Variants in KCND3 observed in about 807,000 individuals in gnomAD.
The protein encoded by KCND3 is potassium voltage-gated channel subfamily D member 3, also known as A-type voltage-gated potassium channel KCND3.
KCND3 carries 9 observed loss-of-function variants against 51.1 expected under a neutral mutation model. That is an observed-to-expected ratio of 0.18 (90% CI 0.11 to 0.31). KCND3 has a LOEUF of 0.31. KCND3 is among the 10% of genes least tolerant of loss of function. The probability of loss-of-function intolerance (pLI) is 1.00; values close to 1 mark genes in which losing one functional copy is unlikely to be tolerated. For missense variants in KCND3, 526 were observed against 903.8 expected (o/e 0.58, Z 5.36); for synonymous variants, 349 against 368.0 (o/e 0.95, Z 0.59).
chr1:111,850,532 C>G (rs1667766087), intron 2 of KCND3, among the ~76,000 whole-genome samples: 1 of 152,208 alleles, frequency 6.6e-6, no homozygotes, highest in Non-Finnish European at 1.5e-5. Context: ...ATCACAATCA[C>G]TCTGGGAGCC....
chr1:111,944,258 C>T (rs528590912), intron 2 of KCND3, among the ~76,000 whole-genome samples: 4 of 152,198 alleles, frequency 2.6e-5, no homozygotes, highest in Admixed American at 6.5e-5. Flanking sequence ...AAGAGTGGGG[C>T]GCAGGCCACA....
intron 2 of KCND3, among the ~76,000 whole-genome samples, chr1:111,956,100 TCCTAAC>T (rs1673326067): frequency 6.6e-6 from 1 of 152,020 alleles, no homozygotes; most frequent in Admixed American, 6.5e-5. Context: ...GCATGCCCAG[TCCTAAC>T]AAGCATAGGA....
intron 2 of KCND3, among the ~76,000 whole-genome samples, chr1:111,887,394 A>G (rs993439311): frequency 6.6e-6 from 1 of 152,158 alleles, no homozygotes; most frequent in African/African-American, 2.4e-5. Flanking sequence ...TAAGAGAACA[A>G]TTTGGTGGTG....
intron 2 of KCND3, among the ~76,000 whole-genome samples, chr1:111,926,514 C>G (rs974065230): frequency 3.9e-5 from 6 of 152,250 alleles, no homozygotes; most frequent in Admixed American, 3.9e-4. Flanking sequence ...CTCACAGGTG[C>G]CTGTCCCGTA....
At chr1:111,977,055 C>A (rs1674673123) in intron 2 of KCND3, among the ~76,000 whole-genome samples, 1 of 152,156 alleles carries the variant, frequency 6.6e-6, no homozygotes, top group Non-Finnish European at 1.5e-5. Context: ...AAAGAAAAGG[C>A]TTTGAGGTCG....
intron 2 of KCND3, among the ~76,000 whole-genome samples, chr1:111,853,157 C>T (rs980046816): frequency 6.6e-6 from 1 of 152,182 alleles, no homozygotes; most frequent in Non-Finnish European, 1.5e-5. Flanking sequence ...GCTGTGCAGA[C>T]AGGGTGAGCC....
chr1:111,928,511 T>G (rs1391625901), intron 2 of KCND3, among the ~76,000 whole-genome samples: 1 of 152,180 alleles, frequency 6.6e-6, no homozygotes, highest in Non-Finnish European at 1.5e-5. Flanking sequence ...CACTCCTAAG[T>G]GGCTTCAGAC....
chr1:111,983,266 A>T (rs892235456), intron 1 of KCND3, among the ~76,000 whole-genome samples: 4 of 152,228 alleles, frequency 2.6e-5, no homozygotes, highest in Non-Finnish European at 5.9e-5. Context: ...AACGGGGTGT[A>T]GATGAGTGAG....
chr1:111,955,930 A>G (rs1285606236), intron 2 of KCND3, among the ~76,000 whole-genome samples: 2 of 152,224 alleles, frequency 1.3e-5, no homozygotes, highest in African/African-American at 4.8e-5. Flanking sequence ...AGTAACAGCA[A>G]CTAGCACTTA....
intron 1 of KCND3, among the ~76,000 whole-genome samples, chr1:111,985,508 G>A (rs1393320650): frequency 1.3e-5 from 2 of 152,206 alleles, no homozygotes; most frequent in Admixed American, 6.5e-5. Flanking sequence ...CAACCCAGGA[G>A]GCAGCATAGT....
At chr1:111,842,159 C>T (rs751146223) in intron 2 of KCND3, among the ~76,000 whole-genome samples, 38 of 152,130 alleles carry the variant, frequency 2.5e-4, no homozygotes, top group African/African-American at 3.9e-4. Flanking sequence ...TTCAGGACTG[C>T]TCTTGATAAA....
chr1:111,831,867 G>A (rs1264118950), intron 2 of KCND3, among the ~76,000 whole-genome samples: 1 of 152,196 alleles, frequency 6.6e-6, no homozygotes, highest in African/African-American at 2.4e-5. Flanking sequence ...CCAGGAATGG[G>A]AACTGCTGAG....
In KCND3 at chr1:111,920,874, A is replaced by T. The variant is rs1671445090; in HGVS notation, c.1106+60747T>A. Reference sequence around the variant, plus strand: ...TAGGCCACTGTCCACGGTACCTCTTACTTTGACTCAATCCCTCCCCTGGCC... The same window carrying T: ...TAGGCCACTGTCCACGGTACCTCTTTCTTTGACTCAATCCCTCCCCTGGCC... On this transcript the variant is annotated intron_variant, in intron 2 of 7. Transcript: ENST00000302127. 3.3e-5 allele frequency among the ~76,000 whole-genome samples: 5 copies of T among 152,068 alleles called. No homozygotes were observed. In the South Asian group the frequency reaches 1.0e-3, roughly 32 times the overall value.
intron 2 of KCND3, among the ~76,000 whole-genome samples, chr1:111,911,278 T>C (rs140528155): frequency 1.3e-5 from 2 of 152,314 alleles, no homozygotes; most frequent in African/African-American, 4.8e-5. Flanking sequence ...TATGTTTCAG[T>C]GTGGGAGCCA....
At position 111,783,105 on chromosome 1, in the gene KCND3, T is replaced by C. The variant is rs1412667758; in HGVS notation, c.1270-2314A>G. 2.0e-5 allele frequency among the ~76,000 whole-genome samples: 3 copies of C among 150,912 alleles called. No homozygotes were observed. In the East Asian group the frequency reaches 5.8e-4, roughly 29 times the overall value. ...CTGCCACTGTAATGGGCTCAATCCT[T>C]GAGTGGATTGGTCAACTTCACCCTC... On this transcript the variant is annotated intron_variant, in intron 3 of 7. Coordinates refer to ENST00000302127, the MANE Select transcript of KCND3 (RefSeq NM_001378969.1).
In KCND3 at chr1:111,774,957, T is replaced by C. The variant is rs1165202355; in HGVS notation, c.*1120A>G. 6.6e-6 allele frequency: 1 copy of C among 152,236 alleles called. No individual in the cohort carries two copies. The highest frequency in any genetic ancestry group is 1.5e-5 in the Non-Finnish European group (1 of 68,072). The allele number at this position is 152,236 out of a possible 1,614,324, so 9.4% of individuals were successfully genotyped here. The stretch of plus-strand genomic sequence containing the variant: ...TCCCCTCACTGGCACATACCAGAGT[T>C]GACCGCGTCTCAGGTGTTGGCGATT... On this transcript the variant is annotated 3_prime_UTR_variant, in exon 8 of 8. Transcript: ENST00000302127.
intron 2 of KCND3, among the ~76,000 whole-genome samples, chr1:111,918,865 A>AT (rs1383945605): frequency 2.0e-5 from 3 of 152,006 alleles, no homozygotes; most frequent in African/African-American, 7.3e-5. Context: ...TACCCTCAAG[A>AT]TTTTGCCACC....
intron 2 of KCND3, among the ~76,000 whole-genome samples, chr1:111,808,161 T>A (rs991197819): frequency 3.9e-5 from 6 of 152,218 alleles, no homozygotes; most frequent in Non-Finnish European, 7.3e-5. Context: ...ATGCACCTTG[T>A]CTAACGCCTG....
chr1:111,834,506 T>C (rs148689285), intron 2 of KCND3, among the ~76,000 whole-genome samples: 204 of 152,354 alleles, frequency 1.3e-3, no homozygotes, highest in African/African-American at 4.8e-3. Flanking sequence ...CAGAAACATA[T>C]ATAATCTGAA....
Sources: allele counts gnomAD v4.1 joint callset (sites outside exome capture counted in the v4.1 genomes callset), GRCh38; gene constraint gnomAD v4.1.1; transcripts MANE v1.5; gene names NCBI Gene and HGNC (gene_info 2026-07-23, HGNC 2026-07-21).